The following PAX3 variants were observed in gnomAD, a reference collection of about 807,000 sequenced individuals.
PAX3 encodes the protein paired box protein Pax-3.
PAX3 carries 14 observed loss-of-function variants against 51.6 expected under a neutral mutation model. That is an observed-to-expected ratio of 0.27 (90% CI 0.18 to 0.42). PAX3 has a LOEUF of 0.42. Among genes scored for constraint, PAX3 ranks in the 10% least tolerant of loss-of-function variants. The pLI, the probability that PAX3 is intolerant of heterozygous loss-of-function variation, is 1.00. For synonymous variants in PAX3, 280 were observed against 253.4 expected (o/e 1.11, Z -1.00); for missense variants, 540 against 642.8 (o/e 0.84, Z 1.73).
intron 4 of PAX3, among the ~76,000 whole-genome samples, chr2:222,254,208 C>T (rs1004761887): frequency 6.6e-6 from 1 of 151,980 alleles, no homozygotes. Flanking sequence ...AGATGGTTAA[C>T]CAGATAATAG....
At chr2:222,263,800 CA>C (rs1693949090) in intron 4 of PAX3, 1 of 152,112 alleles carries the variant, frequency 6.6e-6, no homozygotes, top group Admixed American at 6.5e-5. Context: ...TACTACTCAG[CA>C]ATACAAAGGG....
intron 4 of PAX3, among the ~76,000 whole-genome samples, chr2:222,273,256 G>A (rs1164945265): frequency 6.6e-6 from 1 of 152,136 alleles, no homozygotes; most frequent in Non-Finnish European, 1.5e-5. Flanking sequence ...CTAGCAGTAT[G>A]GAACAGGGTT....
intron 1 of PAX3, among the ~76,000 whole-genome samples, chr2:222,297,635 T>C (rs923982076): frequency 6.6e-6 from 1 of 152,210 alleles, no homozygotes. Flanking sequence ...TCTCCCTTTC[T>C]AAGGGACTTG....
intron 4 of PAX3, among the ~76,000 whole-genome samples, chr2:222,288,644 T>C (rs1407503464): frequency 6.6e-6 from 1 of 152,226 alleles, no homozygotes; most frequent in Non-Finnish European, 1.5e-5. Context: ...GCTGCCATGC[T>C]TTCTGCCACA....
chr2:222,201,310 A>G lies in PAX3; in HGVS notation c.*98T>C. The stretch of plus-strand genomic sequence containing the variant: ...GGACCACTGCCCCACCCCCCCCAAC[A>G]AAAGGGTAATTTTTTTTTGTTTTCA... On this transcript the variant is annotated 3_prime_UTR_variant, in exon 9 of 9. Coordinates refer to ENST00000392070, the MANE Select transcript of PAX3 (RefSeq NM_181458.4). The G allele has an allele frequency of 6.3e-7, 1 of 1,595,800 alleles. No homozygotes were observed.
intron 4 of PAX3, among the ~76,000 whole-genome samples, chr2:222,273,663 C>A (rs1218873665): frequency 6.6e-6 from 1 of 152,176 alleles, no homozygotes; most frequent in African/African-American, 2.4e-5. Flanking sequence ...TCAACTAGGT[C>A]TGAAAGAATT....
At chr2:222,265,735 C>T (rs1694035816) in intron 4 of PAX3, among the ~76,000 whole-genome samples, 1 of 148,130 alleles carries the variant, frequency 6.8e-6, no homozygotes, top group Non-Finnish European at 1.5e-5. Context: ...TTTCAGGACA[C>T]TGAGAGTTAG....
chr2:222,221,579 A>G, intron 5 of PAX3, 192 bp from the exon 6 acceptor site: 1 of 574,480 alleles, frequency 1.7e-6, no homozygotes, highest in Non-Finnish European at 3.1e-6. Context: ...AGGTCAGTAG[A>G]GGGGCTTCAG....
intron 4 of PAX3, among the ~76,000 whole-genome samples, chr2:222,282,498 C>T (rs572458790): frequency 3.4e-4 from 52 of 152,162 alleles, no homozygotes; most frequent in African/African-American, 1.0e-3. Context: ...CTAGAGCATC[C>T]GGCAGCACTT....
intron 4 of PAX3, among the ~76,000 whole-genome samples, chr2:222,284,461 G>A (rs1694755184): frequency 6.6e-6 from 1 of 152,208 alleles, no homozygotes; most frequent in Non-Finnish European, 1.5e-5. Context: ...AAGTAATTAA[G>A]AAGCATGTTT....
intron 7 of PAX3, among the ~76,000 whole-genome samples, chr2:222,208,212 C>T (rs1691588125): frequency 6.6e-6 from 1 of 151,976 alleles, no homozygotes; most frequent in South Asian, 2.1e-4. Context: ...TTTACGCATG[C>T]CTGCATTTAA....
chr2:222,244,384 T>G (rs1693135890), intron 4 of PAX3, among the ~76,000 whole-genome samples: 1 of 152,150 alleles, frequency 6.6e-6, no homozygotes, highest in African/African-American at 2.4e-5. Flanking sequence ...ACCCTCTGAA[T>G]CCATTTTCTC....
chr2:222,278,676 C>T (rs1001305580), intron 4 of PAX3, among the ~76,000 whole-genome samples: 2 of 152,228 alleles, frequency 1.3e-5, no homozygotes, highest in African/African-American at 2.4e-5. Flanking sequence ...TGTGCCCTAG[C>T]AGGTCCTGCC....
chr2:222,284,030 G>T (rs1225460293), intron 4 of PAX3, among the ~76,000 whole-genome samples: 2 of 152,204 alleles, frequency 1.3e-5, no homozygotes, highest in Non-Finnish European at 2.9e-5. Context: ...GAGGCAAATG[G>T]AACAGAACGG....
intron 7 of PAX3, among the ~76,000 whole-genome samples, chr2:222,204,387 C>T (rs894428230): frequency 6.6e-6 from 1 of 152,116 alleles, no homozygotes; most frequent in Non-Finnish European, 1.5e-5. Context: ...TTTATTTGAG[C>T]TTATATAGAT....
intron 2 of PAX3, among the ~76,000 whole-genome samples, chr2:222,296,187 C>A (rs1276326414): frequency 6.6e-6 from 1 of 152,136 alleles, no homozygotes; most frequent in Non-Finnish European, 1.5e-5. Context: ...CTTCTCTCTA[C>A]CCCCAATATA....
rs1318158963 is a variant in PAX3, at chr2:222,294,252, C to T, written c.501G>A (p.Glu167=). The T allele has an allele frequency of 1.9e-6, 3 of 1,614,128 alleles. No individual in the cohort carries two copies. Among genetic ancestry groups the T allele is most frequent in the Non-Finnish European group, 2.5e-6 (3 of 1,180,050 alleles). The change falls in exon 4 of 9, where the codon GAG becomes GAA. Residue 167 remains glutamate (E), a synonymous_variant. Coordinates refer to ENST00000392070, the MANE Select transcript of PAX3 (RefSeq NM_181458.4). ...ILRSKFGKGE[E]EEADLERKEA... Reference sequence around the variant, plus strand: ...CCTTCCTCTCCAAGTCGGCCTCCTCCTCTTCACCTTTCCCGAATTTACTTC... The same window carrying T: ...CCTTCCTCTCCAAGTCGGCCTCCTCTTCTTCACCTTTCCCGAATTTACTTC...
At chr2:222,293,559 G>T in intron 4 of PAX3, 1 of 1,481,282 alleles carries the variant, frequency 6.8e-7, no homozygotes, top group Admixed American at 1.7e-5. Context: ...CAGAGCTTGG[G>T]TTCCTTTCAA....
chr2:222,221,767 G>A (rs193198553), intron 5 of PAX3: 8 of 254,212 alleles, frequency 3.1e-5, no homozygotes, highest in South Asian at 5.2e-5. Flanking sequence ...CCTGCATGAC[G>A]CATGTCCTAA....
Sources: gnomAD v4.1 joint callset for allele counts (sites outside exome capture counted in the v4.1 genomes callset) on GRCh38, gnomAD v4.1.1 for gene constraint, MANE v1.5 for transcripts, NCBI Gene and HGNC (gene_info 2026-07-23, HGNC 2026-07-21) for gene names.